The following FARSB variants were observed in gnomAD, a reference collection of about 807,000 sequenced individuals.
The protein encoded by FARSB is phenylalanine--tRNA ligase beta subunit.
Under a neutral mutation model 69.6 loss-of-function variants are expected in FARSB, and 40 were observed. The observed-to-expected ratio is 0.57, with a 90% CI of 0.45 to 0.75. The LOEUF (loss-of-function observed/expected upper bound fraction) is 0.75, where lower values mean the gene tolerates loss of function less well. FARSB is among the 30% of genes least tolerant of loss of function. The pLI is 0.00. For synonymous variants in FARSB, 235 were observed against 247.2 expected (o/e 0.95, Z 0.46); for missense variants, 632 against 722.9 (o/e 0.87, Z 1.44).
chr2:222,623,427 G>T (rs954798996), intron 13 of FARSB, among the ~76,000 whole-genome samples: 1 of 152,076 alleles, frequency 6.6e-6, no homozygotes, highest in South Asian at 2.1e-4. Flanking sequence ...CTCATTTGAG[G>T]TATTTTTTTC....
At chr2:222,583,039 A>T (rs1690013756) in intron 16 of FARSB, among the ~76,000 whole-genome samples, 1 of 152,190 alleles carries the variant, frequency 6.6e-6, no homozygotes, top group Non-Finnish European at 1.5e-5. Context: ...GCATGTTCTC[A>T]CTCATAAGAG....
chr2:222,620,358 A>T lies in FARSB; in HGVS notation c.1252-621T>A, dbSNP rs555544194. On this transcript the variant is annotated intron_variant, in intron 13 of 16. Coordinates refer to ENST00000281828, the MANE Select transcript of FARSB (RefSeq NM_005687.5). ...GGCAGAACAGTAGGACTGACAACAGAATTCAAGTGACTGGAACTCTGCCCA... is the reference window on the plus strand; with the variant it reads ...GGCAGAACAGTAGGACTGACAACAGTATTCAAGTGACTGGAACTCTGCCCA... Among the ~76,000 whole-genome samples the T allele has an allele frequency of 8.5e-5, 13 of 152,384 alleles. 1 individual carries two copies. The highest frequency in any genetic ancestry group is 7.8e-4 in the Admixed American group (12 of 15,308).
chr2:222,650,907 A>G (rs868206), intron 1 of FARSB, among the ~76,000 whole-genome samples: 130,102 of 152,214 alleles, frequency 0.85, 56,543 homozygotes, highest in African/African-American at 0.97. Context: ...TAAGTACCAG[A>G]GTAATTTGTT....
At chr2:222,594,835 C>T (rs141485463) in intron 16 of FARSB, among the ~76,000 whole-genome samples, 2 of 152,244 alleles carry the variant, frequency 1.3e-5, no homozygotes, top group Non-Finnish European at 2.9e-5. Context: ...AGAACTTTGC[C>T]TTGTGCATAC....
At chr2:222,573,531 T>G (rs1388877648) in intron 16 of FARSB, among the ~76,000 whole-genome samples, 5 of 152,186 alleles carry the variant, frequency 3.3e-5, no homozygotes, top group Admixed American at 6.5e-5. Context: ...TTACTAAATC[T>G]GATAAAGATG....
intron 16 of FARSB, among the ~76,000 whole-genome samples, chr2:222,588,209 T>C (rs1210213622): frequency 1.3e-5 from 2 of 152,122 alleles, no homozygotes; most frequent in East Asian, 3.9e-4. Context: ...GTTCAACATA[T>C]GCAAATCAAT....
At chr2:222,623,249 A>C (rs1344933140) in intron 13 of FARSB, among the ~76,000 whole-genome samples, 1 of 152,228 alleles carries the variant, frequency 6.6e-6, no homozygotes, top group East Asian at 1.9e-4. Flanking sequence ...TCAAAGACAA[A>C]GAAATTAATT....
At chr2:222,644,639 T>TA (rs1216464399) in intron 2 of FARSB, 1 of 399,868 alleles carries the variant, frequency 2.5e-6, no homozygotes, top group Non-Finnish European at 5.1e-6. Context: ...AGCACCCCCT[T>TA]ATCCACAGGG....
intron 1 of FARSB, among the ~76,000 whole-genome samples, chr2:222,649,264 G>A (rs1309408390): frequency 2.7e-5 from 4 of 147,418 alleles, no homozygotes; most frequent in Admixed American, 2.7e-4. Flanking sequence ...AAAAAAGCTG[G>A]GCCAAAAAAA....
rs1490182044 is a variant in FARSB, at chr2:222,613,808, T to C, written c.1462+3A>G. 6.7e-7 allele frequency: 1 copy of C among 1,487,288 alleles called. No homozygotes were observed. Among genetic ancestry groups the C allele is most frequent in the Admixed American group, 1.7e-5 (1 of 59,640 alleles). The allele number at this position is 1,487,288 out of a possible 1,614,324, so 92.1% of individuals were successfully genotyped here. On this transcript the variant is annotated splice_donor_region_variant and intron_variant, in intron 15 of 16. Coordinates refer to ENST00000281828, the MANE Select transcript of FARSB (RefSeq NM_005687.5). ...AATCAAATCAAAGGTGACTTATTCT[T>C]ACCTGTATTAGAATCTTTTATTACA...
rs913812693 is a variant in FARSB, at chr2:222,569,424, G to A, written c.*2447C>T. The A allele has an allele frequency of 6.6e-6, 1 of 152,292 alleles. No individual in the cohort carries two copies. Among genetic ancestry groups the A allele is most frequent in the East Asian group, 1.9e-4 (1 of 5,186 alleles). The allele number at this position is 152,292 out of a possible 1,614,324, so 9.4% of individuals were successfully genotyped here. ...ATATCATTAATAGCTGTGGACCAGTGAGCCACCTTGAGCACAACTGCCAAT... is the reference window on the plus strand; with the variant it reads ...ATATCATTAATAGCTGTGGACCAGTAAGCCACCTTGAGCACAACTGCCAAT... On this transcript the variant is annotated 3_prime_UTR_variant, in exon 17 of 17. Coordinates refer to ENST00000281828, the MANE Select transcript of FARSB (RefSeq NM_005687.5).
intron 2 of FARSB, among the ~76,000 whole-genome samples, chr2:222,645,558 G>A (rs1691828929): frequency 6.6e-6 from 1 of 150,936 alleles, no homozygotes; most frequent in African/African-American, 2.4e-5. Flanking sequence ...AAGATAGAAG[G>A]CTTAGGAAAA....
intron 5 of FARSB, 109 bp from the exon 6 acceptor site, chr2:222,634,650 T>A: frequency 1.3e-6 from 1 of 748,712 alleles, no homozygotes; most frequent in Non-Finnish European, 2.0e-6. Flanking sequence ...AAATATAGAC[T>A]ACATATTTTT....
At chr2:222,596,316 T>A (rs758685345) in intron 16 of FARSB, among the ~76,000 whole-genome samples, 1 of 152,214 alleles carries the variant, frequency 6.6e-6, no homozygotes, top group Admixed American at 6.5e-5. Context: ...AGATTTCTTA[T>A]AACGCACGGA....
chr2:222,634,478 A>G lies in FARSB; in HGVS notation c.519T>C (p.Tyr173=), dbSNP rs1161875991. 2 of 1,612,824 alleles carry G rather than the reference A, an allele frequency of 1.2e-6. No individual in the cohort carries two copies. Among genetic ancestry groups the G allele is most frequent in the South Asian group, 1.1e-5 (1 of 90,992 alleles). ...TGATATCTGAAGGACGCTTTGCAGT[A>G]TAAGTAAATGGGCCCGACAAAGTGT... ...DLDTLSGPFT[Y]TAKRPSDIKF... The change falls in exon 6 of 17, where the codon TAT becomes TAC. Residue 173 remains tyrosine (Y), a synonymous_variant. Coordinates refer to ENST00000281828, the MANE Select transcript of FARSB (RefSeq NM_005687.5).
At chr2:222,630,018 G>T in intron 9 of FARSB, 95 bp downstream of exon 9, 1 of 754,910 alleles carries the variant, frequency 1.3e-6, no homozygotes, top group Non-Finnish European at 2.2e-6. Context: ...TGGGATTATA[G>T]GTGTGAGCCA....
intron 16 of FARSB, among the ~76,000 whole-genome samples, chr2:222,585,207 G>A (rs1011889404): frequency 1.3e-5 from 2 of 152,228 alleles, no homozygotes; most frequent in African/African-American, 2.4e-5. Flanking sequence ...TGCAGCCTCC[G>A]CTGGTGATAC....
intron 9 of FARSB, among the ~76,000 whole-genome samples, chr2:222,629,485 T>C (rs534128511): frequency 9.2e-5 from 14 of 152,304 alleles, no homozygotes; most frequent in African/African-American, 3.1e-4. Context: ...AGCTGCTCTT[T>C]TGCTGTTCCT....
Position 222,567,281 on chromosome 2 carries a change from A to G in FARSB, c.*4590T>C, listed in dbSNP as rs1689650567. 1 of 152,246 alleles carries G rather than the reference A, an allele frequency of 6.6e-6. No homozygotes were observed. The highest frequency in any genetic ancestry group is 2.1e-4 in the South Asian group (1 of 4,834). The allele number at this position is 152,246 out of a possible 1,614,324, so 9.4% of individuals were successfully genotyped here. On this transcript the variant is annotated 3_prime_UTR_variant, in exon 17 of 17. Transcript: ENST00000281828. The stretch of plus-strand genomic sequence containing the variant: ...AAGTTATTCAAGGCCCTAATAACAT[A>G]ATAAGCCAGAACTTGGATATCAGAT...
Sources: allele counts gnomAD v4.1 joint callset (sites outside exome capture counted in the v4.1 genomes callset), GRCh38; gene constraint gnomAD v4.1.1; transcripts MANE v1.5; gene names NCBI Gene and HGNC (gene_info 2026-07-23, HGNC 2026-07-21).